Variants in DPP6 observed in about 807,000 individuals in gnomAD.
The protein encoded by DPP6 is dipeptidyl peptidase like 6.
DPP6 carries 69 observed loss-of-function variants against 122.6 expected under a neutral mutation model. The ratio of observed to expected loss-of-function variants is 0.56; its 90% confidence interval spans 0.46 to 0.69. DPP6 has a LOEUF of 0.69. Among genes scored for constraint, DPP6 ranks in the 30% least tolerant of loss-of-function variants. The pLI is 0.00. For missense variants in DPP6, 928 were observed against 1,116.9 expected, an observed-to-expected ratio of 0.83 and a Z score of 2.41; for synonymous variants, 418 against 433.1, an observed-to-expected ratio of 0.97 and a Z score of 0.43.
chr7:154,778,418 C>A (rs530440066), intron 10 of DPP6, among the ~76,000 whole-genome samples: 2 of 152,166 alleles, frequency 1.3e-5, no homozygotes, highest in Admixed American at 6.5e-5. Context: ...CATGCTGACC[C>A]TGATGCGAAA....
intron 1 of DPP6, among the ~76,000 whole-genome samples, chr7:154,030,593 C>T (rs897427820): frequency 4.6e-5 from 7 of 152,126 alleles, no homozygotes; most frequent in Non-Finnish European, 8.8e-5. Flanking sequence ...CTGAGGTGAG[C>T]GCATCTTTGC....
intron 1 of DPP6, among the ~76,000 whole-genome samples, chr7:154,127,384 G>T (rs905365682): frequency 1.3e-5 from 2 of 152,124 alleles, no homozygotes; most frequent in African/African-American, 4.8e-5. Context: ...ATTAAAATCT[G>T]TGGTGAGGAA....
chr7:154,875,907 G>T lies in DPP6; in HGVS notation c.1885G>T (p.Asp629Tyr), dbSNP rs1304374583. 4 of 1,608,020 alleles carry T rather than the reference G, an allele frequency of 2.5e-6. No homozygotes were observed. Among genetic ancestry groups the T allele is most frequent in the Admixed American group, 3.4e-5 (2 of 59,042 alleles). The change falls in exon 20 of 26, where the codon GAT becomes TAT. Residue 629 changes from aspartate (D) to tyrosine (Y), a missense_variant and splice_region_variant. Physicochemically the swap from Asp to Tyr is radical, Grantham distance 160. Coordinates refer to ENST00000377770, the MANE Select transcript of DPP6 (RefSeq NM_130797.4). The surrounding 1 kb of genome is among the most constrained non-coding windows in gnomAD (Gnocchi z 4.5). ...TTHYPLLLVVDGTPGSQSVAE... is the reference protein window; with the variant it reads ...TTHYPLLLVVYGTPGSQSVAE... ...CTGAGCCCGGGATTCTCTTTCCAGG[G>T]ATGGCACCCCAGGCAGCCAGAGTGT...
chr7:154,633,832 C>A (rs1444392191), intron 5 of DPP6, among the ~76,000 whole-genome samples: 1 of 152,078 alleles, frequency 6.6e-6, no homozygotes, highest in Non-Finnish European at 1.5e-5. Context: ...CCCACTTCCC[C>A]ATTTTTTAAG....
At chr7:154,117,169 G>A (rs974392006) in intron 1 of DPP6, among the ~76,000 whole-genome samples, 1 of 151,498 alleles carries the variant, frequency 6.6e-6, no homozygotes, top group African/African-American at 2.4e-5. Flanking sequence ...CTCTGTTATT[G>A]TATCATTTAA....
intron 1 of DPP6, among the ~76,000 whole-genome samples, chr7:154,388,695 G>A (rs574094398): frequency 6.4e-4 from 97 of 152,232 alleles, no homozygotes; most frequent in Middle Eastern, 3.4e-3. Flanking sequence ...AGGGTGGGAC[G>A]CTACTGTTCA....
intron 5 of DPP6, among the ~76,000 whole-genome samples, chr7:154,616,732 A>T (rs1834285407): frequency 6.6e-6 from 1 of 152,196 alleles, no homozygotes; most frequent in Admixed American, 6.5e-5. Flanking sequence ...ACAAACAGTG[A>T]AACTAGGTCT....
chr7:154,268,400 G>A (rs947738659), intron 1 of DPP6, among the ~76,000 whole-genome samples: 1 of 152,200 alleles, frequency 6.6e-6, no homozygotes, highest in African/African-American at 2.4e-5. Flanking sequence ...GTGAGGGCCC[G>A]TTCCTCATTG....
At chr7:154,673,990 C>A (rs1356502591) in intron 7 of DPP6, among the ~76,000 whole-genome samples, 1 of 152,042 alleles carries the variant, frequency 6.6e-6, no homozygotes, top group African/African-American at 2.4e-5. Flanking sequence ...ATTTTCCTGC[C>A]TCAGCCTCCC....
intron 15 of DPP6, among the ~76,000 whole-genome samples, chr7:154,805,886 C>T (rs2150461511): frequency 6.6e-6 from 1 of 152,342 alleles, no homozygotes; most frequent in Non-Finnish European, 1.5e-5. Context: ...CTAAAGGCAC[C>T]TGGGCCGCTG....
intron 8 of DPP6, among the ~76,000 whole-genome samples, chr7:154,736,602 C>T (rs1188270177): frequency 3.9e-5 from 6 of 152,204 alleles, no homozygotes; most frequent in African/African-American, 7.2e-5. Context: ...CATTCACAGA[C>T]GAGGCTACTG....
chr7:153,963,724 T>G (rs1243898897), intron 1 of DPP6, among the ~76,000 whole-genome samples: 1 of 152,186 alleles, frequency 6.6e-6, no homozygotes, highest in Non-Finnish European at 1.5e-5. Context: ...ATGCTCCTTA[T>G]GAGAATCTGA....
chr7:153,872,508 G>T, the DPP6 span, among the ~76,000 whole-genome samples: 147 of 152,132 alleles, frequency 9.7e-4, no homozygotes, highest in Non-Finnish European at 1.7e-3. Flanking sequence ...TCTCATTGAT[G>T]TAGCAGTTTT....
intron 17 of DPP6, among the ~76,000 whole-genome samples, chr7:154,860,407 T>C (rs2150597467): frequency 6.6e-6 from 1 of 152,254 alleles, no homozygotes; most frequent in East Asian, 1.9e-4. Context: ...TCGAAAAGCT[T>C]CTGGTCGCTG....
intron 3 of DPP6, among the ~76,000 whole-genome samples, chr7:154,508,370 T>A (rs564160271): frequency 6.6e-6 from 1 of 152,100 alleles, no homozygotes; most frequent in East Asian, 1.9e-4. Flanking sequence ...GGGACTGGGG[T>A]TCCCTCCAGC....
chr7:153,900,240 T>G (rs867387179), intron 1 of DPP6, among the ~76,000 whole-genome samples: 1,138 of 10,058 alleles, frequency 0.11, 16 homozygotes, highest in African/African-American at 0.39. Context: ...ATCTTTCTGT[T>G]TTTTTTTTTT....
At chr7:154,198,315 TA>T (rs1360993269) in intron 1 of DPP6, among the ~76,000 whole-genome samples, 1 of 41,464 alleles carries the variant, frequency 2.4e-5, no homozygotes, top group African/African-American at 9.1e-5. Context: ...CATATTTTAT[TA>T]TTATTTTTTT....
upstream of DPP6, among the ~76,000 whole-genome samples, chr7:153,882,549 C>T (rs534667081): frequency 1.3e-5 from 2 of 152,288 alleles, no homozygotes; most frequent in East Asian, 3.9e-4. Flanking sequence ...GAACATTTTG[C>T]CAAAAGTCTC....
chr7:154,262,433 C>T (rs1486433682), intron 1 of DPP6, among the ~76,000 whole-genome samples: 1 of 152,066 alleles, frequency 6.6e-6, no homozygotes, highest in Non-Finnish European at 1.5e-5. Context: ...AATGCACTGC[C>T]ACAGAGAAAA....
Sources: gnomAD v4.1 joint callset for allele counts (sites outside exome capture counted in the v4.1 genomes callset) on GRCh38, gnomAD v4.1.1 for gene constraint, Gnocchi (gnomAD v3.1) non-coding constraint, MANE v1.5 for transcripts, NCBI Gene and HGNC (gene_info 2026-07-23, HGNC 2026-07-21) for gene names.